The following AUTS2 variants were observed in gnomAD, a reference collection of about 807,000 sequenced individuals.
The protein encoded by AUTS2 is autism susceptibility gene 2 protein.
Under a neutral mutation model 112.4 loss-of-function variants are expected in AUTS2, and 17 were observed. The ratio of observed to expected loss-of-function variants is 0.15; its 90% CI spans 0.10 to 0.23. AUTS2 has a LOEUF of 0.23. Among genes scored for constraint, AUTS2 ranks in the 10% least tolerant of loss-of-function variants. The pLI is 1.00. For synonymous variants in AUTS2, 751 were observed against 702.7 expected (o/e 1.07, Z -1.09); for missense variants, 1,510 against 1,701.6 (o/e 0.89, Z 1.98).
At chr7:70,127,408 A>T (rs1053863606) in intron 3 of AUTS2, among the ~76,000 whole-genome samples, 2 of 152,118 alleles carry the variant, frequency 1.3e-5, no homozygotes, top group African/African-American at 4.8e-5. Flanking sequence ...AAGCCCTGGG[A>T]TTATACACAT....
At chr7:70,622,698 G>A (rs1804743856) in intron 5 of AUTS2, among the ~76,000 whole-genome samples, 2 of 152,116 alleles carry the variant, frequency 1.3e-5, no homozygotes, top group Non-Finnish European at 2.9e-5. Context: ...AACTCATATT[G>A]CTAAACATTA....
chr7:70,754,793 T>TA (rs550212945), intron 6 of AUTS2, among the ~76,000 whole-genome samples: 1 of 152,180 alleles, frequency 6.6e-6, no homozygotes, highest in Non-Finnish European at 1.5e-5. Flanking sequence ...TTCAAAAAGA[T>TA]ACGGATGAAT....
At chr7:69,840,104 C>G (rs571408317) in intron 1 of AUTS2, among the ~76,000 whole-genome samples, 2 of 152,252 alleles carry the variant, frequency 1.3e-5, no homozygotes, top group Admixed American at 6.5e-5. Context: ...TTTTCCCCCT[C>G]TATCTTAAAT....
At chr7:70,068,336 C>G (rs1389850960) in intron 2 of AUTS2, among the ~76,000 whole-genome samples, 3 of 151,726 alleles carry the variant, frequency 2.0e-5, no homozygotes, top group Non-Finnish European at 4.4e-5. Flanking sequence ...TGCCACCCCA[C>G]CCGGCTAATT....
At chr7:70,279,820 G>T (rs545866606) in intron 4 of AUTS2, among the ~76,000 whole-genome samples, 1 of 152,260 alleles carries the variant, frequency 6.6e-6, no homozygotes, top group East Asian at 1.9e-4. Flanking sequence ...GTAGGCCAGA[G>T]TGCATCTTTG....
chr7:70,482,611 G>T (rs908076149), intron 5 of AUTS2, among the ~76,000 whole-genome samples: 3 of 152,138 alleles, frequency 2.0e-5, no homozygotes, highest in African/African-American at 7.2e-5. Context: ...GGGATAAGAG[G>T]GATTTGGGGG....
At chr7:69,796,077 G>T (rs552460735) in intron 1 of AUTS2, among the ~76,000 whole-genome samples, 2 of 152,210 alleles carry the variant, frequency 1.3e-5, no homozygotes, top group Admixed American at 6.5e-5. Flanking sequence ...GTGGGCTGAC[G>T]ATAGCCTCTA....
intron 5 of AUTS2, among the ~76,000 whole-genome samples, chr7:70,519,211 G>A (rs537422993): frequency 3.5e-4 from 53 of 152,272 alleles, no homozygotes; most frequent in African/African-American, 1.3e-3. Context: ...GAACTCTGAT[G>A]TTCAAAGGAC....
intron 2 of AUTS2, among the ~76,000 whole-genome samples, chr7:70,080,383 C>T (rs1225500499): frequency 2.0e-5 from 3 of 152,136 alleles, no homozygotes; most frequent in Admixed American, 1.3e-4. Flanking sequence ...GGTTCAAAAA[C>T]ATCAACCAGG....
At chr7:69,765,302 G>C (rs1474933888) in intron 1 of AUTS2, among the ~76,000 whole-genome samples, 1 of 152,152 alleles carries the variant, frequency 6.6e-6, no homozygotes, top group African/African-American at 2.4e-5. Context: ...CATTGGACAT[G>C]GTAGGTACCT....
At chr7:70,145,562 T>C (rs1807082916) in intron 4 of AUTS2, among the ~76,000 whole-genome samples, 1 of 152,178 alleles carries the variant, frequency 6.6e-6, no homozygotes, top group Admixed American at 6.6e-5. Flanking sequence ...TTAACAGATA[T>C]GCTTGAGTAC....
At chr7:70,784,706 G>A (rs1791314745) in intron 15 of AUTS2, 2 of 531,830 alleles carry the variant, frequency 3.8e-6, no homozygotes, top group South Asian at 4.7e-5. Context: ...AGCCACGCTG[G>A]GAAAGAGAAA....
intron 2 of AUTS2, among the ~76,000 whole-genome samples, chr7:69,905,033 T>A (rs1251924447): frequency 6.6e-6 from 1 of 152,204 alleles, no homozygotes; most frequent in Admixed American, 6.5e-5. Context: ...GACACTAATA[T>A]AATAATGAGT....
At chr7:70,744,290 A>ATTT (rs1460813234) in intron 6 of AUTS2, among the ~76,000 whole-genome samples, 1 of 152,090 alleles carries the variant, frequency 6.6e-6, no homozygotes, top group East Asian at 1.9e-4. Flanking sequence ...ACATGAGGCC[A>ATTT]TTTGTCTGCG....
intron 4 of AUTS2, among the ~76,000 whole-genome samples, chr7:70,230,595 T>G (rs954025533): frequency 5.3e-5 from 8 of 152,232 alleles, no homozygotes; most frequent in Admixed American, 6.5e-5. Context: ...TTGTAAGGCC[T>G]CATGCTCAGC....
chr7:70,286,635 A>C (rs1195020461), intron 4 of AUTS2, among the ~76,000 whole-genome samples: 15 of 152,248 alleles, frequency 9.9e-5, no homozygotes, highest in African/African-American at 3.6e-4. Context: ...ATTGTGTTTA[A>C]AGAGAAAATG....
intron 4 of AUTS2, among the ~76,000 whole-genome samples, chr7:70,216,584 T>C (rs1811175738): frequency 1.3e-5 from 2 of 152,162 alleles, no homozygotes; most frequent in African/African-American, 4.8e-5. Flanking sequence ...GTAGGTGAAA[T>C]GAACTGCTAC....
At chr7:70,587,937 C>T (rs1802759003) in intron 5 of AUTS2, among the ~76,000 whole-genome samples, 1 of 152,178 alleles carries the variant, frequency 6.6e-6, no homozygotes, top group Admixed American at 6.5e-5. Flanking sequence ...GAACAAGGTA[C>T]TCCCCTCCAC....
At chr7:70,713,685 G>A (rs1452226337) in intron 6 of AUTS2, among the ~76,000 whole-genome samples, 4 of 152,074 alleles carry the variant, frequency 2.6e-5, no homozygotes, top group Non-Finnish European at 5.9e-5. Context: ...ACGAGGTCAG[G>A]AGATTGAGAC....
Sources: allele counts gnomAD v4.1 joint callset (sites outside exome capture counted in the v4.1 genomes callset), GRCh38; gene constraint gnomAD v4.1.1; transcripts MANE v1.5; gene names NCBI Gene and HGNC (gene_info 2026-07-23, HGNC 2026-07-21).